The following SYNPO variants were observed in gnomAD, a reference collection of about 807,000 sequenced individuals.
The protein encoded by SYNPO is synaptopodin.
In SYNPO, 19 loss-of-function variants were observed where a neutral mutation model predicts 49.5. That is an observed-to-expected ratio of 0.38 (90% CI 0.27 to 0.56). The LOEUF (loss-of-function observed/expected upper bound fraction) is 0.56. SYNPO is among the 20% of genes least tolerant of loss of function. SYNPO has a pLI of 0.68. For synonymous variants in SYNPO, 536 were observed against 548.0 expected (o/e 0.98, Z 0.31); for missense variants, 1,131 against 1,248.3 (o/e 0.91, Z 1.42).
At chr5:150,636,156 G>A (rs1409520695), upstream of SYNPO, among the ~76,000 whole-genome samples, 2 of 152,142 alleles carry the variant, frequency 1.3e-5, no homozygotes, top group Non-Finnish European at 2.9e-5. Flanking sequence ...TAGTTGGTGT[G>A]TAATAAATAC....
chr5:150,619,655 G>A (rs987537272), intron 2 of SYNPO, among the ~76,000 whole-genome samples: 3 of 152,182 alleles, frequency 2.0e-5, no homozygotes, highest in East Asian at 1.9e-4. Flanking sequence ...AGCAGGAGCC[G>A]CAGCCAGTAG....
At chr5:150,591,283 G>A in the SYNPO span, among the ~76,000 whole-genome samples, 2 of 152,224 alleles carry the variant, frequency 1.3e-5, no homozygotes, top group African/African-American at 2.4e-5. Context: ...AGCTGAGCCC[G>A]GGACGGGGAG....
intron 2 of SYNPO, among the ~76,000 whole-genome samples, chr5:150,620,933 C>CTTTCTTTCTTCA: frequency 8.0e-6 from 1 of 124,926 alleles, no homozygotes; most frequent in South Asian, 3.0e-4. Flanking sequence ...TTCTTTCTTT[C>CTTTCTTTCTTCA]TTTCTTTCTT....
At chr5:150,635,757 CCAGCCCA>C (rs1170202847), upstream of SYNPO, among the ~76,000 whole-genome samples, 2 of 152,208 alleles carry the variant, frequency 1.3e-5, no homozygotes, top group Non-Finnish European at 2.9e-5. Flanking sequence ...GCCACCGCAC[CCAGCCCA>C]CACTTTTCTT....
chr5:150,650,995 T>C, intron 2 of SYNPO: 1 of 1,241,110 alleles, frequency 8.1e-7, no homozygotes, highest in Non-Finnish European at 1.0e-6. Context: ...GACGCTTTTC[T>C]TCCTGCCCCC....
At chr5:150,620,671 T>C (rs1757122806) in intron 2 of SYNPO, among the ~76,000 whole-genome samples, 1 of 152,232 alleles carries the variant, frequency 6.6e-6, no homozygotes, top group African/African-American at 2.4e-5. Context: ...ATGAACTCTG[T>C]TGGCAAGTCA....
At chr5:150,591,095 G>A in the SYNPO span, among the ~76,000 whole-genome samples, 2 of 152,170 alleles carry the variant, frequency 1.3e-5, no homozygotes, top group Non-Finnish European at 2.9e-5. Context: ...TGTCTGGGCC[G>A]GAAGGTCTGG....
upstream of SYNPO, among the ~76,000 whole-genome samples, chr5:150,596,982 T>A (rs1756437257): frequency 6.6e-6 from 1 of 152,240 alleles, no homozygotes; most frequent in East Asian, 1.9e-4. Context: ...ATGGTAGGAC[T>A]GGCACCTGCT....
rs1757873397 is a variant in SYNPO at position 150,640,735 on chromosome 5, ATTTTCCTGGCTTCGTC to A, written c.-451_-436del. 2.0e-6 allele frequency: 2 copies of A among 985,426 alleles called. No homozygotes were observed. Among genetic ancestry groups the A allele is most frequent in the African/African-American group, 3.5e-5 (2 of 57,210 alleles). 61.0% of individuals were successfully genotyped at this position (985,426 alleles called of 1,614,324 possible). A position where few individuals can be genotyped will look rare whatever the true frequency, so the allele number is the denominator to read the frequency against. On this transcript the variant is annotated 5_prime_UTR_variant, in exon 1 of 3. The change abolishes the stop of an existing upstream ORF in the 5' untranslated region. Coordinates refer to ENST00000307662, the MANE Select transcript of SYNPO (RefSeq NM_007286.6). Reference sequence around the variant, plus strand: ...TCCTTCATGTTGCTGCCGATGTGGGATTTTCCTGGCTTCGTCAGCCAAGCAATTGGCTGCCTTTGCC... The same window carrying A: ...TCCTTCATGTTGCTGCCGATGTGGGAAGCCAAGCAATTGGCTGCCTTTGCC...
intron 2 of SYNPO, among the ~76,000 whole-genome samples, chr5:150,622,948 AC>A (rs1757227567): frequency 6.6e-6 from 1 of 152,210 alleles, no homozygotes; most frequent in Admixed American, 6.5e-5. Flanking sequence ...TCTCATGCAA[AC>A]CATCACACAT....
At chr5:150,609,296 A>AT (rs1756778861) in intron 1 of SYNPO, among the ~76,000 whole-genome samples, 1 of 152,020 alleles carries the variant, frequency 6.6e-6, no homozygotes, top group Admixed American at 6.6e-5. Flanking sequence ...TTTATTTTTA[A>AT]TTTTTTTAAT....
chr5:150,619,501 G>T (rs1757085225), intron 2 of SYNPO, among the ~76,000 whole-genome samples: 1 of 152,216 alleles, frequency 6.6e-6, no homozygotes, highest in African/African-American at 2.4e-5. Flanking sequence ...GGGCAGGAAT[G>T]ATGATAATTT....
Position 150,649,299 on chromosome 5 carries a change from G to C in SYNPO, c.1024G>C (p.Val342Leu). The C allele has an allele frequency of 6.2e-7, 1 of 1,614,190 alleles. No individual in the cohort carries two copies. Among genetic ancestry groups the C allele is most frequent in the Non-Finnish European group, 8.5e-7 (1 of 1,180,026 alleles). ...GGTGAGGTCTCCTCCCTCATATTCT[G>C]TCCTGTATCCCAGCTCCGACCCCAA... is the stretch of plus-strand genomic sequence containing the variant. The part of the protein sequence containing the change: ...SWVRSPPSYS[V>L]LYPSSDPKSS... Residue 342 changes from valine (V) to leucine (L), a missense_variant, in exon 2 of 3, where the codon GTC becomes CTC. Val to Leu is a conservative substitution (Grantham distance 32). Coordinates refer to ENST00000307662, the MANE Select transcript of SYNPO (RefSeq NM_007286.6).
intron 1 of SYNPO, among the ~76,000 whole-genome samples, chr5:150,604,846 T>C (rs1427269185): frequency 6.6e-6 from 1 of 152,044 alleles, no homozygotes; most frequent in African/African-American, 2.4e-5. Flanking sequence ...TGATTGTCAT[T>C]TTACAGAGGG....
chr5:150,657,207 A>G lies in SYNPO; in HGVS notation c.*120A>G. 9 of 1,156,810 alleles carry G rather than the reference A, an allele frequency of 7.8e-6. No homozygotes were observed. The highest frequency in any genetic ancestry group is 1.1e-5 in the Non-Finnish European group (9 of 841,070). The allele number at this position is 1,156,810 out of a possible 1,614,324, so 71.7% of individuals were successfully genotyped here. A position where few individuals can be genotyped will look rare whatever the true frequency, so the allele number is the denominator to read the frequency against. On this transcript the variant is annotated 3_prime_UTR_variant, in exon 3 of 3. Transcript: ENST00000307662. ...CAGAGATGAGGGGTCAGCAGAGGAG[A>G]GCTCTGGGGTTGGGGATGGGTTAGG...
intron 2 of SYNPO, chr5:150,653,228 C>G (rs976891702): frequency 6.6e-6 from 1 of 152,252 alleles, no homozygotes; most frequent in Non-Finnish European, 1.5e-5. Context: ...CAAAAACATA[C>G]ACACAGAGTC....
chr5:150,640,779 A>G lies in SYNPO; in HGVS notation c.-408A>G. ...CCAAGCAATTGGCTGCCTTTGCCGG[A>G]GGCTTTGAGAACCAAGGCTTGAAGG... On this transcript the variant is annotated 5_prime_UTR_variant, in exon 1 of 3. Transcript: ENST00000307662. The G allele has an allele frequency of 2.0e-6, 2 of 985,496 alleles. No homozygotes were observed. The highest frequency in any genetic ancestry group is 2.4e-6 in the Non-Finnish European group (2 of 829,928). The allele number at this position is 985,496 out of a possible 1,614,324, so 61.0% of individuals were successfully genotyped here. A position where few individuals can be genotyped will look rare whatever the true frequency, so the allele number is the denominator to read the frequency against.
At chr5:150,641,830 G>A (rs1039373308) in intron 1 of SYNPO, among the ~76,000 whole-genome samples, 4 of 152,230 alleles carry the variant, frequency 2.6e-5, no homozygotes, top group Admixed American at 6.5e-5. Flanking sequence ...GGTTTTCAGG[G>A]GAGAAGACAT....
In SYNPO at chr5:150,648,683, C is replaced by A. The variant is rs199584252; in HGVS notation, c.408C>A (p.Thr136=). The part of the protein sequence containing the change: ...NGTGPASKPS[T]LCADGQPQAP... ...CAGGGCCTGCTTCCAAACCCAGCAC[C>A]CTGTGTGCTGATGGGCAACCCCAGG... Residue 136 remains threonine (T), a synonymous_variant, in exon 2 of 3, where the codon ACC becomes ACA. Coordinates refer to ENST00000307662, the MANE Select transcript of SYNPO (RefSeq NM_007286.6). The surrounding 1 kb of genome is among the most constrained non-coding windows in gnomAD (Gnocchi z 5.0). 13 of 1,614,198 alleles carry A rather than the reference C, an allele frequency of 8.1e-6. No individual in the cohort carries two copies. In the Admixed American group the frequency reaches 8.3e-5, roughly 10 times the overall value.
Sources: gnomAD v4.1 joint callset for allele counts (sites outside exome capture counted in the v4.1 genomes callset) on GRCh38, gnomAD v4.1.1 for gene constraint, Gnocchi (gnomAD v3.1) non-coding constraint, MANE v1.5 for transcripts, NCBI Gene and HGNC (gene_info 2026-07-23, HGNC 2026-07-21) for gene names.